Variants in UNC5C observed in about 807,000 individuals in gnomAD.
UNC5C encodes unc-5 netrin receptor C, also known as netrin receptor UNC5C.
Under a neutral mutation model 99.8 loss-of-function variants are expected in UNC5C, and 47 were observed. That is an observed-to-expected ratio of 0.47 (90% confidence interval 0.37 to 0.60). The LOEUF is 0.60. UNC5C is among the 20% of genes least tolerant of loss of function. The pLI, the probability that UNC5C is intolerant of heterozygous loss-of-function variation, is 0.00. For missense variants in UNC5C, 1,062 were observed against 1,165.9 expected (o/e 0.91, Z 1.30); for synonymous variants, 487 against 452.2 (o/e 1.08, Z -0.98).
chr4:95,319,284 C>T (rs901028647), intron 2 of UNC5C, among the ~76,000 whole-genome samples: 11 of 152,220 alleles, frequency 7.2e-5, no homozygotes, highest in African/African-American at 2.2e-4. Flanking sequence ...TTTCAAAAGT[C>T]CCCCCTGGTA....
intron 14 of UNC5C, among the ~76,000 whole-genome samples, chr4:95,179,926 T>C (rs1470081371): frequency 2.0e-5 from 3 of 152,066 alleles, no homozygotes; most frequent in Non-Finnish European, 4.4e-5. Flanking sequence ...TTCATTTATT[T>C]ATATAGGATC....
chr4:95,423,814 T>C (rs1746387324), intron 1 of UNC5C, among the ~76,000 whole-genome samples: 1 of 152,188 alleles, frequency 6.6e-6, no homozygotes, highest in South Asian at 2.1e-4. Flanking sequence ...TTGGTGTGAT[T>C]AAGAGCCAGG....
chr4:95,202,802 G>A lies in UNC5C; in HGVS notation c.2065C>T (p.Pro689Ser), dbSNP rs117896462. The A allele has an allele frequency of 6.2e-7, 1 of 1,614,232 alleles. No homozygotes were observed. The highest frequency in any genetic ancestry group is 1.3e-5 in the African/African-American group (1 of 75,068). ...AKRLKLAIFG[P>S]LCCSSLEYSI... ...TACTCCAGCGAGGAGCAGCACAGGG[G>A]CCCAAAGATGGCCAGCTTGAGGCGC... The change falls in exon 12 of 16, where the codon CCC (proline) becomes TCC (serine). Residue 689 changes from proline to serine, a missense_variant. Pro to Ser is a moderately conservative substitution (Grantham distance 74, BLOSUM62 -1). Coordinates refer to ENST00000453304, the MANE Select transcript of UNC5C (RefSeq NM_003728.4).
chr4:95,265,207 A>G (rs1017958722), intron 4 of UNC5C, among the ~76,000 whole-genome samples: 1 of 152,240 alleles, frequency 6.6e-6, no homozygotes, highest in Non-Finnish European at 1.5e-5. Context: ...ACAAATCGTT[A>G]TCTTCAGTCC....
intron 7 of UNC5C, among the ~76,000 whole-genome samples, chr4:95,233,070 T>C (rs1229488657): frequency 6.6e-6 from 1 of 152,218 alleles, no homozygotes; most frequent in Admixed American, 6.5e-5. Context: ...GGTAAATTAC[T>C]TCCCCACATT....
At chr4:95,467,867 G>A (rs1475902677) in intron 1 of UNC5C, among the ~76,000 whole-genome samples, 1 of 152,000 alleles carries the variant, frequency 6.6e-6, no homozygotes, top group Non-Finnish European at 1.5e-5. Context: ...TTACAATAAG[G>A]AAAGCTAGAG....
chr4:95,261,337 A>AG (rs1279508718), intron 4 of UNC5C, among the ~76,000 whole-genome samples: 2 of 152,204 alleles, frequency 1.3e-5, no homozygotes, highest in Non-Finnish European at 2.9e-5. Flanking sequence ...CAGAACTAGC[A>AG]GTAGAATTGG....
At chr4:95,216,375 C>T (rs1036067241) in intron 9 of UNC5C, among the ~76,000 whole-genome samples, 164 bp from the exon 10 acceptor site, 10 of 152,168 alleles carry the variant, frequency 6.6e-5, no homozygotes, top group African/African-American at 2.4e-4. Context: ...CTCCTTACCA[C>T]GGCTCCCTCT....
intron 1 of UNC5C, among the ~76,000 whole-genome samples, chr4:95,382,461 A>G (rs1057440182): frequency 6.8e-6 from 1 of 148,102 alleles, no homozygotes; most frequent in Non-Finnish European, 1.5e-5. Context: ...CGTCTGTCAA[A>G]AAAAAAAAAA....
At chr4:95,463,431 A>G (rs1747669390) in intron 1 of UNC5C, among the ~76,000 whole-genome samples, 1 of 152,108 alleles carries the variant, frequency 6.6e-6, no homozygotes, top group Non-Finnish European at 1.5e-5. Context: ...AACGAAGCAC[A>G]AGCAGAGACT....
chr4:95,419,233 T>A (rs1746252256), intron 1 of UNC5C, among the ~76,000 whole-genome samples: 1 of 152,162 alleles, frequency 6.6e-6, no homozygotes, highest in African/African-American at 2.4e-5. Flanking sequence ...CTCAGTTTTG[T>A]ATCAGGGAAG....
chr4:95,421,943 T>A (rs1289887395), intron 1 of UNC5C, among the ~76,000 whole-genome samples: 2 of 152,256 alleles, frequency 1.3e-5, no homozygotes, highest in African/African-American at 4.8e-5. Context: ...AAGTTGATAA[T>A]GTCCTATGGA....
intron 1 of UNC5C, among the ~76,000 whole-genome samples, chr4:95,381,089 C>G (rs573633187): frequency 6.6e-6 from 1 of 152,224 alleles, no homozygotes; most frequent in African/African-American, 2.4e-5. Context: ...CTTTGTATAA[C>G]TACATTCTTA....
rs750405679 is a variant in UNC5C, at chr4:95,474,799, T to A, written c.124+73935A>T. The stretch of plus-strand genomic sequence containing the variant: ...AACCATTATTCATCCAGCACATAGA[T>A]CAAGAAAGAGATTTTACCAGAATTC... On this transcript the variant is annotated intron_variant, in intron 1 of 15. Transcript: ENST00000453304. 3.9e-5 allele frequency among the ~76,000 whole-genome samples: 6 copies of A among 152,086 alleles called. No homozygotes were observed. In the South Asian group the frequency reaches 1.2e-3, roughly 31 times the overall value.
At chr4:95,419,617 CAT>C (rs1368416924) in intron 1 of UNC5C, among the ~76,000 whole-genome samples, 1 of 152,092 alleles carries the variant, frequency 6.6e-6, no homozygotes, top group East Asian at 1.9e-4. Flanking sequence ...TTAAAGTAAA[CAT>C]ATATTTATTG....
chr4:95,530,615 C>T (rs1310555679), intron 1 of UNC5C, among the ~76,000 whole-genome samples: 1 of 152,124 alleles, frequency 6.6e-6, no homozygotes, highest in Non-Finnish European at 1.5e-5. Context: ...AAGTATATTG[C>T]ACTATCAAAA....
At chr4:95,335,297 T>C (rs1289723010) in intron 2 of UNC5C, 113 bp downstream of exon 2, 8 of 1,039,224 alleles carry the variant, frequency 7.7e-6, no homozygotes, top group Non-Finnish European at 1.1e-5. Flanking sequence ...AAACTTTTTG[T>C]CAGAGAATAA....
chr4:95,476,141 C>A (rs1236900495), intron 1 of UNC5C, among the ~76,000 whole-genome samples: 1 of 152,102 alleles, frequency 6.6e-6, no homozygotes, highest in Non-Finnish European at 1.5e-5. Flanking sequence ...AACTCCATTT[C>A]TTGGCCTTTC....
At chr4:95,343,398 G>C (rs1251450250) in intron 1 of UNC5C, among the ~76,000 whole-genome samples, 5 of 152,110 alleles carry the variant, frequency 3.3e-5, no homozygotes, top group Non-Finnish European at 5.9e-5. Flanking sequence ...AAGTCTTCCA[G>C]ATCTTATCCA....
Sources: allele counts gnomAD v4.1 joint callset (sites outside exome capture counted in the v4.1 genomes callset), GRCh38; gene constraint gnomAD v4.1.1; transcripts MANE v1.5; gene names NCBI Gene and HGNC (gene_info 2026-07-23, HGNC 2026-07-21).